Variants in ERBB4 observed in about 807,000 individuals in gnomAD.
ERBB4 encodes erb-b2 receptor tyrosine kinase 4, also known as receptor tyrosine-protein kinase erbB-4.
ERBB4 carries 42 observed loss-of-function variants against 158.0 expected under a neutral mutation model. The observed-to-expected ratio is 0.27, with a 90% CI of 0.21 to 0.34. ERBB4 has a LOEUF of 0.34. ERBB4 is among the 10% of genes least tolerant of loss of function. The probability of loss-of-function intolerance (pLI) is 1.00; values close to 1 mark genes in which losing one functional copy is unlikely to be tolerated. For missense variants in ERBB4, 1,333 were observed against 1,624.1 expected, an observed-to-expected ratio of 0.82 and a Z score of 3.08; for synonymous variants, 583 against 558.7, an observed-to-expected ratio of 1.04 and a Z score of -0.61.
chr2:212,467,848 C>T (rs1300368434), intron 1 of ERBB4, among the ~76,000 whole-genome samples: 2 of 152,234 alleles, frequency 1.3e-5, no homozygotes, highest in African/African-American at 4.8e-5. Context: ...TCAACACCCG[C>T]CCATGAAAGC....
intron 1 of ERBB4, among the ~76,000 whole-genome samples, chr2:212,150,044 G>A (rs1398378618): frequency 6.6e-6 from 1 of 152,156 alleles, no homozygotes; most frequent in Non-Finnish European, 1.5e-5. Flanking sequence ...CAGAATCAGA[G>A]TGGAAGACGA....
intron 2 of ERBB4, among the ~76,000 whole-genome samples, chr2:212,040,792 G>T (rs1030374627): frequency 6.6e-6 from 1 of 152,098 alleles, no homozygotes; most frequent in Non-Finnish European, 1.5e-5. Flanking sequence ...CTTGGGCTCT[G>T]CTTCATGGGC....
intron 5 of ERBB4, among the ~76,000 whole-genome samples, chr2:211,737,552 T>C (rs893733105): frequency 4.2e-4 from 64 of 152,276 alleles, no homozygotes; most frequent in African/African-American, 1.1e-3. Flanking sequence ...AATTTTGACT[T>C]TACATAATAG....
At chr2:211,617,215 G>A (rs1231704828) in intron 19 of ERBB4, among the ~76,000 whole-genome samples, 2 of 152,090 alleles carry the variant, frequency 1.3e-5, no homozygotes, top group Non-Finnish European at 2.9e-5. Flanking sequence ...GAGATTATTA[G>A]CATTCTCATG....
intron 1 of ERBB4, among the ~76,000 whole-genome samples, chr2:212,259,801 G>A (rs1040777561): frequency 6.6e-6 from 1 of 152,120 alleles, no homozygotes; most frequent in African/African-American, 2.4e-5. Flanking sequence ...CTGGTGTGGT[G>A]GCTCACGCTT....
In ERBB4 at chr2:211,692,003, A is replaced by G. The variant is rs941496766; in HGVS notation, c.1489+9964T>C. 5.9e-5 allele frequency among the ~76,000 whole-genome samples: 9 copies of G among 152,276 alleles called. No homozygotes were observed. The East Asian group carries it at 9.7e-4, about 16-fold the overall frequency. On this transcript the variant is annotated intron_variant, in intron 12 of 27. Coordinates refer to ENST00000342788, the MANE Select transcript of ERBB4 (RefSeq NM_005235.3). ...TCCTATTTCAAAAAATGTCACTTCAATTTCTTTGATGGGATTGACTTGAAG... is the reference window on the plus strand; with the variant it reads ...TCCTATTTCAAAAAATGTCACTTCAGTTTCTTTGATGGGATTGACTTGAAG...
chr2:212,132,643 C>G (rs2080140764), intron 1 of ERBB4, among the ~76,000 whole-genome samples: 1 of 152,066 alleles, frequency 6.6e-6, no homozygotes, highest in Non-Finnish European at 1.5e-5. Context: ...CATTGCCACT[C>G]TAACTCTCAG....
chr2:211,582,183 G>A (rs1025148918), intron 19 of ERBB4, among the ~76,000 whole-genome samples: 1 of 152,182 alleles, frequency 6.6e-6, no homozygotes, highest in Non-Finnish European at 1.5e-5. Flanking sequence ...TTTCAATAAT[G>A]TCTCAGTTCT....
At chr2:212,150,280 A>T (rs1023712003) in intron 1 of ERBB4, among the ~76,000 whole-genome samples, 6 of 151,920 alleles carry the variant, frequency 3.9e-5, no homozygotes, top group Admixed American at 3.3e-4. Context: ...TTGGCAAGAT[A>T]ACTCCACTTT....
chr2:211,528,819 A>C (rs952839163), intron 20 of ERBB4, among the ~76,000 whole-genome samples: 15 of 152,108 alleles, frequency 9.9e-5, no homozygotes, highest in Admixed American at 9.8e-4. Flanking sequence ...TGATAATGGG[A>C]GAACAACATA....
intron 25 of ERBB4, among the ~76,000 whole-genome samples, chr2:211,418,749 G>A: frequency 6.6e-6 from 1 of 151,958 alleles, no homozygotes; most frequent in East Asian, 1.9e-4. Context: ...ATAAATACAA[G>A]GGTATATAAT....
At chr2:211,505,353 T>A (rs1352463854) in intron 20 of ERBB4, among the ~76,000 whole-genome samples, 1 of 151,988 alleles carries the variant, frequency 6.6e-6, no homozygotes, top group Non-Finnish European at 1.5e-5. Flanking sequence ...TCTCATATCC[T>A]GCTAAATTAA....
intron 25 of ERBB4, among the ~76,000 whole-genome samples, chr2:211,400,079 T>C (rs1253959971): frequency 6.6e-6 from 1 of 151,960 alleles, no homozygotes; most frequent in Non-Finnish European, 1.5e-5. Context: ...AGAGTATGAG[T>C]CTCTGAGAAG....
chr2:211,478,427 G>A (rs538907730), intron 20 of ERBB4, among the ~76,000 whole-genome samples: 21 of 152,258 alleles, frequency 1.4e-4, no homozygotes, highest in East Asian at 1.9e-4. Context: ...AAAATCGTGT[G>A]TGTTCAAAAG....
chr2:211,868,299 A>G (rs2078259538), intron 3 of ERBB4, among the ~76,000 whole-genome samples: 1 of 152,228 alleles, frequency 6.6e-6, no homozygotes, highest in East Asian at 1.9e-4. Context: ...ATTTGAAGCA[A>G]TAAGAATTAG....
At chr2:211,791,491 A>C (rs2076278457) in intron 3 of ERBB4, among the ~76,000 whole-genome samples, 1 of 151,140 alleles carries the variant, frequency 6.6e-6, no homozygotes, top group Non-Finnish European at 1.5e-5. Context: ...AAAGATGCAA[A>C]GTGTCTGGAT....
chr2:211,456,808 A>G (rs908091040), intron 20 of ERBB4, among the ~76,000 whole-genome samples: 1 of 151,932 alleles, frequency 6.6e-6, no homozygotes, highest in Non-Finnish European at 1.5e-5. Flanking sequence ...TAGGGATCCC[A>G]CTCCTATGAG....
intron 3 of ERBB4, among the ~76,000 whole-genome samples, chr2:211,864,164 C>T (rs2078143496): frequency 6.6e-6 from 1 of 152,214 alleles, no homozygotes; most frequent in Non-Finnish European, 1.5e-5. Context: ...TGATTCCTTT[C>T]CTCTGTGGGT....
chr2:212,340,340 T>C (rs2088648002), intron 1 of ERBB4, among the ~76,000 whole-genome samples: 1 of 152,152 alleles, frequency 6.6e-6, no homozygotes, highest in Non-Finnish European at 1.5e-5. Flanking sequence ...ATAGGGAAGA[T>C]GGTTTCAGGA....
Sources: allele counts gnomAD v4.1 joint callset (sites outside exome capture counted in the v4.1 genomes callset), GRCh38; gene constraint gnomAD v4.1.1; transcripts MANE v1.5; gene names NCBI Gene and HGNC (gene_info 2026-07-23, HGNC 2026-07-21).